Variants in RTF1 observed in about 807,000 individuals in gnomAD.
RTF1 encodes RNA polymerase-associated protein RTF1 homolog.
Under a neutral mutation model 95.7 loss-of-function variants are expected in RTF1, and 10 were observed. The observed-to-expected ratio is 0.10, with a 90% CI of 0.06 to 0.18. The LOEUF is 0.18. Ranked by LOEUF, RTF1 falls within the 10% of genes least tolerant of loss-of-function variation. RTF1 has a pLI of 1.00. For synonymous variants in RTF1, 305 were observed against 311.8 expected, an observed-to-expected ratio of 0.98 and a Z score of 0.23; for missense variants, 458 against 875.6, an observed-to-expected ratio of 0.52 and a Z score of 6.02.
chr15:41,427,589 A>G (rs1452372197), intron 1 of RTF1, among the ~76,000 whole-genome samples: 2 of 152,064 alleles, frequency 1.3e-5, no homozygotes, highest in Non-Finnish European at 2.9e-5. Context: ...CTGAGATAGG[A>G]GGATCACCTG....
Position 41,441,843 on chromosome 15 carries a change from T to C in RTF1, c.309+3412T>C, listed in dbSNP as rs900260383. 2.6e-4 allele frequency among the ~76,000 whole-genome samples: 39 copies of C among 152,180 alleles called. 1 individual carries two copies. The highest frequency in any genetic ancestry group is 9.4e-4 in the African/African-American group (39 of 41,454). On this transcript the variant is annotated intron_variant, in intron 2 of 17. Coordinates refer to ENST00000389629, the MANE Select transcript of RTF1 (RefSeq NM_015138.5). ...CTTATTGTAACTCTACTCCAGTCCC[T>C]CTCTCACGAGAGCAGCAGCGTCTGT...
intron 7 of RTF1, among the ~76,000 whole-genome samples, chr15:41,470,759 C>T (rs2050906951): frequency 6.7e-6 from 1 of 148,680 alleles, no homozygotes; most frequent in South Asian, 2.2e-4. Flanking sequence ...CCCGGGTTCA[C>T]GCCATTCTCT....
rs533999350 is a variant in RTF1, at chr15:41,453,742, GA to G, written c.457+706del. ...TCTCAACAACAACAAAAAAAAGTAG[GA>G]AAAAAAAAAAAGAAAAATGCAGGGA... On this transcript the variant is annotated intron_variant, in intron 3 of 17. Coordinates refer to ENST00000389629, the MANE Select transcript of RTF1 (RefSeq NM_015138.5). 7.4e-3 allele frequency among the ~76,000 whole-genome samples: 968 copies of G among 130,918 alleles called. 14 individuals are homozygous for G. The highest frequency in any genetic ancestry group is 0.023 in the African/African-American group (827 of 35,638). The allele number at this position is 130,918 out of a possible 152,430, so 85.9% of individuals were successfully genotyped here.
At chr15:41,476,025 T>C (rs2050940320) in intron 11 of RTF1, among the ~76,000 whole-genome samples, 1 of 152,198 alleles carries the variant, frequency 6.6e-6, no homozygotes, top group Non-Finnish European at 1.5e-5. Context: ...TAGACTGAAG[T>C]GTATTCAGAG....
At chr15:41,443,911 C>CA (rs577511777) in intron 2 of RTF1, among the ~76,000 whole-genome samples, 16 of 150,984 alleles carry the variant, frequency 1.1e-4, no homozygotes, top group African/African-American at 3.6e-4. Flanking sequence ...ACTAAAAATA[C>CA]AAAAAAATTA....
In RTF1 at chr15:41,477,149, ATC is replaced by A; in HGVS notation, c.1561-10_1561-9del. ...TATGTAGCCAAGAACGAACTCACACATCTCTCTATGTGTAGGCCATGGCTGAG... is the reference window on the plus strand; with the variant it reads ...TATGTAGCCAAGAACGAACTCACACATCTCTATGTGTAGGCCATGGCTGAG... On this transcript the variant is annotated splice_polypyrimidine_tract_variant and intron_variant, in intron 12 of 17. Transcript: ENST00000389629. 1 of 1,614,198 alleles carries A rather than the reference ATC, an allele frequency of 6.2e-7. No homozygotes were observed. Among genetic ancestry groups the A allele is most frequent in the East Asian group, 2.2e-5 (1 of 44,892 alleles).
Position 41,455,228 on chromosome 15 carries a change from C to T in RTF1, c.457+2180C>T, listed in dbSNP as rs553869254. On this transcript the variant is annotated intron_variant, in intron 3 of 17. Transcript: ENST00000389629. The stretch of plus-strand genomic sequence containing the variant: ...ACTCTGGAGGCTGAGGCAGGAGAAT[C>T]GCTTGAACCAGGGAGTTGGAGGTTG... Among the ~76,000 whole-genome samples, 19 of 151,448 alleles carry T rather than the reference C, an allele frequency of 1.3e-4. No homozygotes were observed. The East Asian group carries it at 3.1e-3, about 25-fold the overall frequency.
intron 2 of RTF1, among the ~76,000 whole-genome samples, chr15:41,451,579 AAT>A (rs2050789732): frequency 6.6e-6 from 1 of 152,194 alleles, no homozygotes; most frequent in Non-Finnish European, 1.5e-5. Context: ...GTTATTGTGT[AAT>A]ATATGCCAAT....
chr15:41,454,905 G>A (rs1472455151), intron 3 of RTF1, among the ~76,000 whole-genome samples: 5 of 152,150 alleles, frequency 3.3e-5, no homozygotes, highest in Admixed American at 6.6e-5. Flanking sequence ...CATATGTGGT[G>A]GCTGCTGTTC....
chr15:41,438,289 C>A, intron 1 of RTF1, 32 bp from the exon 2 acceptor site: 2 of 1,423,498 alleles, frequency 1.4e-6, no homozygotes, highest in Non-Finnish European at 1.9e-6. Context: ...CTCTGTTGAA[C>A]AAAACTGATG....
chr15:41,466,577 A>T (rs1225144378), intron 6 of RTF1, among the ~76,000 whole-genome samples: 2 of 152,346 alleles, frequency 1.3e-5, no homozygotes, highest in African/African-American at 4.8e-5. Context: ...ACACCTAGAA[A>T]TAACAATGAA....
intron 1 of RTF1, among the ~76,000 whole-genome samples, chr15:41,418,886 G>A (rs1452306794): frequency 1.3e-5 from 2 of 151,546 alleles, no homozygotes; most frequent in African/African-American, 4.8e-5. Context: ...ACGGAGTCTC[G>A]CACTGTCGCC....
At chr15:41,478,792 A>G in intron 15 of RTF1, 167 bp downstream of exon 15, 1 of 638,198 alleles carries the variant, frequency 1.6e-6, no homozygotes, top group Non-Finnish European at 2.7e-6. Flanking sequence ...GCTATAGGAC[A>G]TATCGGTAGT....
chr15:41,461,571 C>G (rs1011691462), intron 4 of RTF1, among the ~76,000 whole-genome samples: 13 of 151,542 alleles, frequency 8.6e-5, no homozygotes, highest in Admixed American at 3.9e-4. Flanking sequence ...CGGCTGACTG[C>G]AAGCTCCGCT....
chr15:41,435,624 G>A, intron 1 of RTF1, among the ~76,000 whole-genome samples: 1 of 152,152 alleles, frequency 6.6e-6, no homozygotes, highest in Non-Finnish European at 1.5e-5. Context: ...GAAATGACAA[G>A]AGTTAACATT....
intron 16 of RTF1, among the ~76,000 whole-genome samples, chr15:41,479,896 A>G (rs1459015213): frequency 6.6e-6 from 1 of 151,248 alleles, no homozygotes; most frequent in African/African-American, 2.4e-5. Context: ...TTTTCTGTCC[A>G]AGTTAAGTCT....
At chr15:41,455,080 C>T (rs1034386935) in intron 3 of RTF1, among the ~76,000 whole-genome samples, 6 of 152,028 alleles carry the variant, frequency 3.9e-5, no homozygotes, top group Non-Finnish European at 8.8e-5. Flanking sequence ...CTTTGGGAGG[C>T]CAAGGCAGGC....
intron 1 of RTF1, among the ~76,000 whole-genome samples, chr15:41,427,873 G>A (rs1047194852): frequency 1.3e-5 from 2 of 151,886 alleles, no homozygotes; most frequent in Non-Finnish European, 2.9e-5. Context: ...TGCAACCTCC[G>A]CCTCCCGGGT....
chr15:41,456,430 G>A (rs1341351923), intron 3 of RTF1, among the ~76,000 whole-genome samples: 2 of 151,070 alleles, frequency 1.3e-5, no homozygotes, highest in Admixed American at 6.6e-5. Flanking sequence ...CGGAGCTTGC[G>A]CTGAGTCGAG....
Sources: allele counts gnomAD v4.1 joint callset (sites outside exome capture counted in the v4.1 genomes callset), GRCh38; gene constraint gnomAD v4.1.1; transcripts MANE v1.5; gene names NCBI Gene and HGNC (gene_info 2026-07-23, HGNC 2026-07-21).